Variants in PLK5 observed in about 807,000 individuals in gnomAD.
The protein encoded by PLK5 is polo like kinase 5 (inactive).
PLK5 carries 28 observed loss-of-function variants against 33.7 expected under a neutral mutation model. That is an observed-to-expected ratio of 0.83 (90% CI 0.62 to 1.14). PLK5 has a LOEUF of 1.14. Ranked by LOEUF, PLK5 falls within the 50% of genes most tolerant of loss-of-function variation. The pLI is 0.00. For missense variants in PLK5, 492 were observed against 461.5 expected (o/e 1.07, Z -0.61); for synonymous variants, 225 against 202.2 (o/e 1.11, Z -0.96).
chr19:1,530,643 G>A (rs1239200971), intron 11 of PLK5, among the ~76,000 whole-genome samples: 14 of 111,964 alleles, frequency 1.3e-4, no homozygotes, highest in South Asian at 1.2e-3. Flanking sequence ...TTTTTGAGAC[G>A]GAGTCTCACT....
In PLK5 at chr19:1,531,001, A is replaced by T. The variant is rs551630402; in HGVS notation, c.569-737A>T. ...CAGATACTCAGGAGGCTGAGGAAGG[A>T]GGATCACTTGAGCTCGGAGGTGGAG... is the stretch of plus-strand genomic sequence containing the variant. On this transcript the variant is annotated intron_variant, in intron 11 of 13. Coordinates refer to ENST00000454744, the MANE Select transcript of PLK5 (RefSeq NM_001243079.2). Among the ~76,000 whole-genome samples, 7 of 152,142 alleles carry T rather than the reference A, an allele frequency of 4.6e-5. 1 individual carries two copies. The South Asian group carries it at 1.5e-3, about 32-fold the overall frequency.
At chr19:1,531,228 G>A (rs543505963) in intron 11 of PLK5, among the ~76,000 whole-genome samples, 1 of 151,916 alleles carries the variant, frequency 6.6e-6, no homozygotes, top group African/African-American at 2.4e-5. Flanking sequence ...GGCCAACATG[G>A]TGAAACCCCA....
Position 1,529,399 on chromosome 19 carries a change from A to G in PLK5, c.406-7A>G, listed in dbSNP as rs1484031014. ...GGCCACCCCCACCCCTGCTGCTCCC[A>G]CCTCAGAGCTCCCTGTCTGCGAAAG... On this transcript the variant is annotated splice_polypyrimidine_tract_variant and splice_region_variant and intron_variant, in intron 9 of 13. Coordinates refer to ENST00000454744, the MANE Select transcript of PLK5 (RefSeq NM_001243079.2). The G allele has an allele frequency of 1.3e-6, 2 of 1,535,346 alleles. No homozygotes were observed. Among genetic ancestry groups the G allele is most frequent in the Admixed American group, 3.9e-5 (2 of 50,992 alleles).
At chr19:1,528,192 C>T in intron 7 of PLK5, 58 bp downstream of exon 7, 1 of 1,493,980 alleles carries the variant, frequency 6.7e-7, no homozygotes, top group Non-Finnish European at 8.9e-7. Flanking sequence ...AGGTGATGAG[C>T]CAGAGCCTGC....
intron 10 of PLK5, 23 bp downstream of exon 10, chr19:1,529,513 C>A: frequency 6.5e-7 from 1 of 1,529,384 alleles, no homozygotes; most frequent in Non-Finnish European, 8.8e-7. Flanking sequence ...CCGTCCCAGC[C>A]CGGGGCTGCA....
rs566346042 is a variant in PLK5, at chr19:1,528,993, G to A, written c.405+19G>A. ...CGGCGAGGTGAGACATCGGGGTGGG[G>A]GACACGGGGAGACACAGGTGGAGGG... On this transcript the variant is annotated intron_variant, in intron 9 of 13. Coordinates refer to ENST00000454744, the MANE Select transcript of PLK5 (RefSeq NM_001243079.2). 35 of 1,485,522 alleles carry A rather than the reference G, an allele frequency of 2.4e-5. No homozygotes were observed. In the South Asian group the frequency reaches 4.3e-4, roughly 18 times the overall value. 92.0% of individuals were successfully genotyped at this position (1,485,522 alleles called of 1,614,324 possible). A position where few individuals can be genotyped will look rare whatever the true frequency, so the allele number is the denominator to read the frequency against.
At chr19:1,532,748 C>T (rs964832850) in intron 12 of PLK5, among the ~76,000 whole-genome samples, 1 of 151,956 alleles carries the variant, frequency 6.6e-6, no homozygotes, top group African/African-American at 2.4e-5. Context: ...TCTCGAACTC[C>T]TGACCTCAGG....
chr19:1,532,029 C>A, intron 12 of PLK5, 146 bp downstream of exon 12: 1 of 946,480 alleles, frequency 1.1e-6, no homozygotes, highest in Non-Finnish European at 1.5e-6. Context: ...AACGAATCAG[C>A]AAGTGCGTTT....
intron 13 of PLK5, among the ~76,000 whole-genome samples, chr19:1,534,275 G>A (rs766821196): frequency 8.4e-4 from 127 of 152,062 alleles, no homozygotes; most frequent in Non-Finnish European, 1.3e-3. Flanking sequence ...TTGGGAGGCC[G>A]AGGCGGGCAG....
intron 11 of PLK5, 41 bp downstream of exon 11, chr19:1,529,865 C>A (rs1472174593): frequency 1.3e-6 from 2 of 1,515,322 alleles, no homozygotes; most frequent in Non-Finnish European, 1.8e-6. Flanking sequence ...TTTACTCTTA[C>A]TAGCCAAGTA....
Position 1,528,154 on chromosome 19 carries a change from G to GTGGGGTCCCTGGCGTGGGGTCCCTGGCA in PLK5, c.201+21_201+48dup. 6.6e-7 allele frequency: 1 copy of GTGGGGTCCCTGGCGTGGGGTCCCTGGCA among 1,523,368 alleles called. No homozygotes were observed. The highest frequency in any genetic ancestry group is 1.2e-5 in the South Asian group (1 of 83,762). 94.4% of individuals were successfully genotyped at this position (1,523,368 alleles called of 1,614,324 possible). On this transcript the variant is annotated intron_variant, in intron 7 of 13. Coordinates refer to ENST00000454744, the MANE Select transcript of PLK5 (RefSeq NM_001243079.2). The stretch of plus-strand genomic sequence containing the variant: ...ACACAGGTGGGCGGCGGTCCTCGGC[G>GTGGGGTCCCTGGCGTGGGGTCCCTGGCA]TGGGGTCCCTGGCGTGGGGTCCCTG...
rs1367045749 is a variant in PLK5 at position 1,524,793 on chromosome 19, ATC to A, written c.-543-510_-543-509del. On this transcript the variant is annotated intron_variant, in intron 1 of 13. Transcript: ENST00000454744. This position sits in a 1 kb window ranked among gnomAD's most constrained non-coding sequence, Gnocchi z 4.5. ...AGGAGTTGTGTGTTCATGTGTTTGT[ATC>A]TGTGTCTTTGTCCATGTGTTGTACT... Among the ~76,000 whole-genome samples, 14 of 149,828 alleles carry A rather than the reference ATC, an allele frequency of 9.3e-5. No individual in the cohort carries two copies. In the South Asian group the frequency reaches 1.5e-3, roughly 16 times the overall value.
intron 11 of PLK5, among the ~76,000 whole-genome samples, chr19:1,530,682 T>C (rs1195114183): frequency 2.9e-5 from 4 of 135,798 alleles, no homozygotes; most frequent in South Asian, 2.5e-4. Context: ...TGCTGTGGCG[T>C]GATCTCGGCT....
At chr19:1,525,191 G>C (rs1026335316) in intron 1 of PLK5, 114 bp from the exon 2 acceptor site, 1 of 153,110 alleles carries the variant, frequency 6.5e-6, no homozygotes, top group African/African-American at 2.4e-5. Context: ...CCCGGTGTGT[G>C]TGTGGAGAGA....
At chr19:1,528,177 C>G (rs954718963) in intron 7 of PLK5, 43 bp downstream of exon 7, 1 of 1,529,960 alleles carries the variant, frequency 6.5e-7, no homozygotes, top group South Asian at 1.2e-5. Flanking sequence ...CGTGGGGTCC[C>G]TGGCAGGTGA....
chr19:1,533,112 G>A (rs1913981482), intron 12 of PLK5, among the ~76,000 whole-genome samples: 1 of 152,180 alleles, frequency 6.6e-6, no homozygotes, highest in Non-Finnish European at 1.5e-5. Context: ...TCCAGCCTGG[G>A]TGACAGAACG....
chr19:1,529,356 C>A (rs1255383501), intron 9 of PLK5, 50 bp from the exon 10 acceptor site: 5 of 1,466,526 alleles, frequency 3.4e-6, no homozygotes, highest in Non-Finnish European at 4.6e-6. Context: ...TCACGCCTGT[C>A]CCTGGGGCTG....
At chr19:1,535,039 C>T in intron 13 of PLK5, 26 bp from the exon 14 acceptor site, 1 of 1,500,770 alleles carries the variant, frequency 6.7e-7, no homozygotes, top group Non-Finnish European at 8.9e-7. Context: ...CCCGTCTCCC[C>T]TTGACTGGTA....
In PLK5 at chr19:1,531,799, T is replaced by A. The variant is rs545331740; in HGVS notation, c.630T>A (p.Tyr210Ter). ...PILWAPKWVDYSSKYGFGYQL... is the reference protein window; with the variant it reads ...PILWAPKWVD The stretch of plus-strand genomic sequence containing the variant: ...TCTGGGCCCCCAAATGGGTGGATTA[T>A]TCCAGCAAATACGGCTTTGGCTACC... Residue 210 changes from tyrosine (Y) to a stop codon, truncating the protein, a stop_gained, in exon 12 of 14, where the codon TAT becomes TAA. Transcript: ENST00000454744. LOFTEE classifies it high-confidence loss of function. 1 of 1,535,564 alleles carries A rather than the reference T, an allele frequency of 6.5e-7. No homozygotes were observed. Among genetic ancestry groups the A allele is most frequent in the African/African-American group, 1.4e-5 (1 of 73,122 alleles).
Sources: allele counts gnomAD v4.1 joint callset (sites outside exome capture counted in the v4.1 genomes callset), GRCh38; gene constraint gnomAD v4.1.1; non-coding constraint Gnocchi (gnomAD v3.1); transcripts MANE v1.5; gene names NCBI Gene and HGNC (gene_info 2026-07-23, HGNC 2026-07-21).